C10orf67: variants seen among roughly 807,000 people sequenced by gnomAD.
C10orf67 encodes the protein chromosome 10 open reading frame 67.
Under a neutral mutation model 35.6 loss-of-function variants are expected in C10orf67, and 60 were observed. That is an observed-to-expected ratio of 1.68 (90% CI 1.37 to 2.09). The LOEUF is 2.09. Ranked by LOEUF, C10orf67 falls within the 30% of genes most tolerant of loss-of-function variation. C10orf67 has a pLI of 0.00. For missense variants in C10orf67, 474 were observed against 330.2 expected (o/e 1.44, Z -3.38); for synonymous variants, 167 against 115.8 (o/e 1.44, Z -2.84).
intron 12 of C10orf67, 145 bp from the exon 13 acceptor site, chr10:23,239,961 T>A: frequency 2.3e-6 from 1 of 433,278 alleles, no homozygotes; most frequent in East Asian, 3.3e-5. Flanking sequence ...ATGAACATAC[T>A]ACCTCTTTCA....
rs780736061 is a variant in C10orf67, at chr10:23,303,297, AACTT to A, written c.702+3_702+6del. ...TAAAATTAATTATTCCTTGCCTTGA[AACTT>A]ACCATTTTGTGAAATCCAAAATCTT... On this transcript the variant is annotated splice_donor_5th_base_variant and intron_variant, in intron 5 of 15. Coordinates refer to ENST00000636213, the MANE Select transcript of C10orf67 (RefSeq NM_001371909.1). 6.1e-5 allele frequency: 33 copies of A among 539,110 alleles called. No homozygotes were observed. The highest frequency in any genetic ancestry group is 9.4e-5 in the Non-Finnish European group (28 of 299,332). The allele number at this position is 539,110 out of a possible 1,614,324, so 33.4% of individuals were successfully genotyped here.
chr10:23,343,740 G>T (rs976325171), intron 1 of C10orf67, among the ~76,000 whole-genome samples: 1 of 152,152 alleles, frequency 6.6e-6, no homozygotes, highest in Non-Finnish European at 1.5e-5. Flanking sequence ...CTATACACTT[G>T]AAGAAGTGAA....
At chr10:23,274,281 G>A (rs541214645) in intron 8 of C10orf67, among the ~76,000 whole-genome samples, 6 of 152,212 alleles carry the variant, frequency 3.9e-5, no homozygotes, top group South Asian at 4.1e-4. Context: ...AGGAAACAGC[G>A]TTCGGGAGCA....
At chr10:23,234,243 A>C (rs554125483) in intron 13 of C10orf67, among the ~76,000 whole-genome samples, 40 of 152,324 alleles carry the variant, frequency 2.6e-4, no homozygotes, top group African/African-American at 9.4e-4. Flanking sequence ...TTGCAGCACT[A>C]TTCACAATAG....
intron 8 of C10orf67, among the ~76,000 whole-genome samples, chr10:23,270,181 A>G (rs1842978526): frequency 6.6e-6 from 1 of 152,176 alleles, no homozygotes; most frequent in South Asian, 2.1e-4. Flanking sequence ...AAATATCCAG[A>G]TTCTCACACT....
rs566994459 is a variant in C10orf67 at position 23,336,188 on chromosome 10, C to CA, written c.207-3007dup. Among the ~76,000 whole-genome samples, 296 of 152,150 alleles carry CA rather than the reference C, an allele frequency of 1.9e-3. 1 individual carries two copies. Among genetic ancestry groups the CA allele is most frequent in the Non-Finnish European group, 3.4e-3 (228 of 68,008 alleles). On this transcript the variant is annotated intron_variant, in intron 1 of 15. Coordinates refer to ENST00000636213, the MANE Select transcript of C10orf67 (RefSeq NM_001371909.1). ...GAGTAAGTAAATGTTCTCAAAATGA[C>CA]AGAAGTCAAGTTTTTCAGTTCTAGG...
chr10:23,265,443 G>C (rs1298234957), intron 10 of C10orf67, among the ~76,000 whole-genome samples: 1 of 152,250 alleles, frequency 6.6e-6, no homozygotes, highest in Non-Finnish European at 1.5e-5. Flanking sequence ...GTTTGAGAGA[G>C]CAAAATATGC....
chr10:23,292,676 A>C (rs1843755253), intron 5 of C10orf67, among the ~76,000 whole-genome samples: 1 of 152,178 alleles, frequency 6.6e-6, no homozygotes. Flanking sequence ...TACATTAATA[A>C]GTCCTTTAAA....
In C10orf67 at chr10:23,266,160, C is replaced by T. The variant is rs538652999; in HGVS notation, c.1200+102G>A. The T allele has an allele frequency of 7.6e-6, 3 of 397,012 alleles. No individual in the cohort carries two copies. In the East Asian group the frequency reaches 1.1e-4, roughly 14 times the overall value. 24.6% of individuals were successfully genotyped at this position (397,012 alleles called of 1,614,324 possible). On this transcript the variant is annotated intron_variant, in intron 10 of 15. Coordinates refer to ENST00000636213, the MANE Select transcript of C10orf67 (RefSeq NM_001371909.1). Reference sequence around the variant, plus strand: ...GAGCCCCCCACTCAGGGGGTGAGAACCCGGTGTGCTTAGACTGCAGGCCTC... The same window carrying T: ...GAGCCCCCCACTCAGGGGGTGAGAATCCGGTGTGCTTAGACTGCAGGCCTC...
rs189028126 is a variant in C10orf67 at position 23,220,014 on chromosome 10, A to C, written c.1570+3584T>G. Among the ~76,000 whole-genome samples, 47 of 152,236 alleles carry C rather than the reference A, an allele frequency of 3.1e-4. 1 individual carries two copies. The highest frequency in any genetic ancestry group is 2.1e-3 in the Admixed American group (32 of 15,292). On this transcript the variant is annotated intron_variant, in intron 15 of 15. Coordinates refer to ENST00000636213, the MANE Select transcript of C10orf67 (RefSeq NM_001371909.1). ...AAGTGAGACCCTGTCTTTACAAAAAATAAAGAAATTAGCTTGATGTGGTGG... is the reference window on the plus strand; with the variant it reads ...AAGTGAGACCCTGTCTTTACAAAAACTAAAGAAATTAGCTTGATGTGGTGG...
chr10:23,335,410 T>C (rs148319268), intron 1 of C10orf67, among the ~76,000 whole-genome samples: 38 of 152,174 alleles, frequency 2.5e-4, no homozygotes, highest in Admixed American at 1.1e-3. Context: ...CTTAGTTTCC[T>C]CTTATGGAAA....
At chr10:23,289,268 ATCC>A (rs1203809864) in intron 7 of C10orf67, among the ~76,000 whole-genome samples, 2 of 152,026 alleles carry the variant, frequency 1.3e-5, no homozygotes, top group Non-Finnish European at 2.9e-5. Flanking sequence ...AGCTTAAACA[ATCC>A]TCCTACTTCA....
At chr10:23,299,202 G>C (rs886993228) in intron 5 of C10orf67, among the ~76,000 whole-genome samples, 2 of 152,082 alleles carry the variant, frequency 1.3e-5, no homozygotes, top group African/African-American at 4.8e-5. Flanking sequence ...CTGTCTGTTG[G>C]GTTTCTGTAC....
intron 13 of C10orf67, among the ~76,000 whole-genome samples, chr10:23,237,340 G>A (rs1009061460): frequency 1.3e-5 from 2 of 152,096 alleles, no homozygotes; most frequent in African/African-American, 2.4e-5. Context: ...GTGCAGCAAC[G>A]AACATGTGCA....
In C10orf67 at chr10:23,336,163, G is replaced by A. The variant is rs1845673129; in HGVS notation, c.207-2981C>T. 1.3e-5 allele frequency among the ~76,000 whole-genome samples: 2 copies of A among 152,162 alleles called. 1 individual carries two copies. The highest frequency in any genetic ancestry group is 4.1e-4 in the South Asian group (2 of 4,830). On this transcript the variant is annotated intron_variant, in intron 1 of 15. Coordinates refer to ENST00000636213, the MANE Select transcript of C10orf67 (RefSeq NM_001371909.1). ...TAGTGGGAGACTGGATACATTGAATGAGTAAGTAAATGTTCTCAAAATGAC... is the reference window on the plus strand; with the variant it reads ...TAGTGGGAGACTGGATACATTGAATAAGTAAGTAAATGTTCTCAAAATGAC...
At chr10:23,306,919 A>G (rs1844306800) in intron 4 of C10orf67, among the ~76,000 whole-genome samples, 1 of 152,220 alleles carries the variant, frequency 6.6e-6, no homozygotes, top group Admixed American at 6.5e-5. Context: ...CCTAATAGTA[A>G]ATTGACATCA....
intron 10 of C10orf67, among the ~76,000 whole-genome samples, chr10:23,251,212 G>C (rs1460836634): frequency 6.6e-6 from 1 of 152,182 alleles, no homozygotes; most frequent in Admixed American, 6.5e-5. Context: ...CTTAGAAGCA[G>C]TTAGCTCTAA....
At position 23,344,533 on chromosome 10, in the gene C10orf67, G is replaced by A. The variant is rs767799256; in HGVS notation, c.206+36C>T. 6.5e-6 allele frequency: 10 copies of A among 1,546,124 alleles called. No homozygotes were observed. The East Asian group carries it at 1.9e-4, about 30-fold the overall frequency. ...CCCGCCGTGCCCCTGGACCCTGCTC[G>A]CTTCCTCCTCTACCCAGGCGCGGAG... On this transcript the variant is annotated intron_variant, in intron 1 of 15. Transcript: ENST00000636213.
chr10:23,203,521 G>T lies in C10orf67; in HGVS notation c.*652C>A, dbSNP rs981089923. The T allele has an allele frequency of 6.6e-6, 1 of 152,158 alleles. No homozygotes were observed. The highest frequency in any genetic ancestry group is 1.5e-5 in the Non-Finnish European group (1 of 68,024). The allele number at this position is 152,158 out of a possible 1,614,324, so 9.4% of individuals were successfully genotyped here. On this transcript the variant is annotated 3_prime_UTR_variant, in exon 16 of 16. Coordinates refer to ENST00000636213, the MANE Select transcript of C10orf67 (RefSeq NM_001371909.1). The stretch of plus-strand genomic sequence containing the variant: ...TAGAAAGAACCAAGTTGGACATTAC[G>T]CATGGAAGAAAAGCAAACCCGCCTT...
Sources: gnomAD v4.1 joint callset for allele counts (sites outside exome capture counted in the v4.1 genomes callset) on GRCh38, gnomAD v4.1.1 for gene constraint, MANE v1.5 for transcripts, NCBI Gene and HGNC (gene_info 2026-07-23, HGNC 2026-07-21) for gene names.